MRPS6: variants seen among roughly 807,000 people sequenced by gnomAD.
MRPS6 encodes the protein small ribosomal subunit protein bS6m.
MRPS6 carries 6 observed loss-of-function variants against 13.1 expected under a neutral mutation model. The ratio of observed to expected loss-of-function variants is 0.46; its 90% CI spans 0.25 to 0.91. The LOEUF is 0.91. Ranked by LOEUF, MRPS6 falls within the 40% of genes least tolerant of loss-of-function variation. The pLI is 0.18. For synonymous variants in MRPS6, 61 were observed against 56.5 expected (o/e 1.08, Z -0.36); for missense variants, 164 against 155.6 (o/e 1.05, Z -0.29).
chr21:34,098,408 T>G, intron 1 of MRPS6: 1 of 1,000,280 alleles, frequency 1.0e-6, no homozygotes, highest in Middle Eastern at 5.2e-4. Context: ...GTTGAATTTT[T>G]AGAGGGAAAA....
At chr21:34,137,540 A>G (rs1273043449) in intron 2 of MRPS6, among the ~76,000 whole-genome samples, 1 of 152,246 alleles carries the variant, frequency 6.6e-6, no homozygotes, top group Non-Finnish European at 1.5e-5. Flanking sequence ...GTCATATGCA[A>G]ATAAGACAGT....
chr21:34,125,700 G>A (rs1980280467), intron 2 of MRPS6, among the ~76,000 whole-genome samples: 1 of 152,156 alleles, frequency 6.6e-6, no homozygotes, highest in Non-Finnish European at 1.5e-5. Context: ...CATCCTAGGA[G>A]CAAAGGGCTT....
intron 1 of MRPS6, among the ~76,000 whole-genome samples, chr21:34,120,014 G>A (rs1042928014): frequency 2.0e-5 from 3 of 152,256 alleles, no homozygotes; most frequent in Middle Eastern, 3.4e-3. Flanking sequence ...TGGGCTTTAC[G>A]GGGGACCCTT....
Position 34,115,805 on chromosome 21 carries a change from G to A in MRPS6, c.46-9536G>A, listed in dbSNP as rs534421010. Among the ~76,000 whole-genome samples the A allele has an allele frequency of 2.0e-5, 3 of 151,960 alleles. No homozygotes were observed. The East Asian group carries it at 5.8e-4, about 29-fold the overall frequency. On this transcript the variant is annotated intron_variant, in intron 1 of 2. Coordinates refer to ENST00000399312, the MANE Select transcript of MRPS6 (RefSeq NM_032476.4). ...CTGAAACACGTTTTAATTGCTCATC[G>A]TAAATCAGAGTGTAAAAGAAAAAAA...
chr21:34,084,664 A>G (rs1989531591), intron 1 of MRPS6, among the ~76,000 whole-genome samples: 1 of 152,250 alleles, frequency 6.6e-6, no homozygotes, highest in Non-Finnish European at 1.5e-5. Flanking sequence ...AAATGGAAAA[A>G]CTGAAGAATT....
intron 1 of MRPS6, chr21:34,097,016 G>A (rs1238127259): frequency 6.2e-7 from 1 of 1,614,094 alleles, no homozygotes; most frequent in Non-Finnish European, 8.5e-7. Flanking sequence ...TTAATCTGTT[G>A]GTAACCTGCA....
chr21:34,086,727 G>A (rs909000906), intron 1 of MRPS6, among the ~76,000 whole-genome samples: 3 of 152,166 alleles, frequency 2.0e-5, no homozygotes, highest in Admixed American at 2.0e-4. Flanking sequence ...CAAACATGTA[G>A]TGTAAAAATA....
chr21:34,132,949 A>G (rs1449117137), intron 2 of MRPS6, among the ~76,000 whole-genome samples: 4 of 152,274 alleles, frequency 2.6e-5, no homozygotes, highest in East Asian at 3.9e-4. Context: ...TCTTAACTAC[A>G]TTAAATTGTA....
intron 1 of MRPS6, among the ~76,000 whole-genome samples, chr21:34,085,843 T>C (rs1029499969): frequency 3.9e-5 from 6 of 152,072 alleles, no homozygotes; most frequent in South Asian, 4.1e-4. Flanking sequence ...ACCTCGTGAT[T>C]CACCCGCCTC....
At chr21:34,102,000 T>G (rs924600683) in intron 1 of MRPS6, 1 of 1,000,088 alleles carries the variant, frequency 1.0e-6, no homozygotes, top group African/African-American at 1.7e-5. Flanking sequence ...TTGGAATTAG[T>G]TGGCATATAG....
intron 1 of MRPS6, chr21:34,098,095 A>G: frequency 1.0e-6 from 1 of 999,182 alleles, no homozygotes; most frequent in Non-Finnish European, 1.2e-6. Context: ...TTAAATGATT[A>G]TGGGGGAGAA....
chr21:34,129,392 G>T (rs1980422269), intron 2 of MRPS6, among the ~76,000 whole-genome samples: 1 of 152,124 alleles, frequency 6.6e-6, no homozygotes, highest in South Asian at 2.1e-4. Context: ...TGTTTCTACC[G>T]GGTCTGATTT....
chr21:34,112,882 G>A (rs1979759719), intron 1 of MRPS6, among the ~76,000 whole-genome samples: 1 of 152,016 alleles, frequency 6.6e-6, no homozygotes, highest in South Asian at 2.1e-4. Flanking sequence ...GGTTTTGTGG[G>A]TGCGGTGGCT....
At position 34,073,619 on chromosome 21, in the gene MRPS6, G is replaced by C; in HGVS notation, c.-82G>C. The C allele has an allele frequency of 8.0e-7, 1 of 1,251,252 alleles. No individual in the cohort carries two copies. The highest frequency in any genetic ancestry group is 1.1e-6 in the Non-Finnish European group (1 of 900,984). 77.5% of individuals were successfully genotyped at this position (1,251,252 alleles called of 1,614,324 possible). A position where few individuals can be genotyped will look rare whatever the true frequency, so the allele number is the denominator to read the frequency against. ...AGCCGTCCGGCGCAGCAGTTTCTAG[G>C]TCCCCACTGTCCCCGCCGTCCCGCC... On this transcript the variant is annotated 5_prime_UTR_variant, in exon 1 of 3. Transcript: ENST00000399312.
chr21:34,120,994 A>C (rs1980098439), intron 1 of MRPS6, among the ~76,000 whole-genome samples: 1 of 151,754 alleles, frequency 6.6e-6, no homozygotes, highest in Non-Finnish European at 1.5e-5. Context: ...TAAAGGAGGT[A>C]CAATTAGCAC....
chr21:34,089,462 G>C (rs1216906314), intron 1 of MRPS6, among the ~76,000 whole-genome samples: 1 of 151,808 alleles, frequency 6.6e-6, no homozygotes, highest in Non-Finnish European at 1.5e-5. Context: ...ATATCTACAA[G>C]GTCTTATTTC....
intron 2 of MRPS6, among the ~76,000 whole-genome samples, chr21:34,131,686 A>G (rs1163421367): frequency 1.3e-5 from 2 of 152,184 alleles, no homozygotes; most frequent in Admixed American, 1.3e-4. Context: ...CTTCATGTGT[A>G]AAAATAGAAA....
At position 34,086,116 on chromosome 21, in the gene MRPS6, G is replaced by A. The variant is rs544771417; in HGVS notation, c.45+12371G>A. On this transcript the variant is annotated intron_variant, in intron 1 of 2. Coordinates refer to ENST00000399312, the MANE Select transcript of MRPS6 (RefSeq NM_032476.4). The stretch of plus-strand genomic sequence containing the variant: ...TTCTTACCCCACTCTTTACCTTTCC[G>A]GATTTGGCTGGTCACTTATGCTGTT... Among the ~76,000 whole-genome samples, 21 of 152,080 alleles carry A rather than the reference G, an allele frequency of 1.4e-4. 1 individual carries two copies. Among genetic ancestry groups the A allele is most frequent in the African/African-American group, 4.3e-4 (18 of 41,480 alleles).
chr21:34,081,173 A>G (rs1602905829), intron 1 of MRPS6, among the ~76,000 whole-genome samples: 2 of 152,076 alleles, frequency 1.3e-5, no homozygotes, highest in Non-Finnish European at 2.9e-5. Flanking sequence ...TTTTACAAGG[A>G]TCTTTTAAAC....
Sources: gnomAD v4.1 joint callset for allele counts (sites outside exome capture counted in the v4.1 genomes callset) on GRCh38, gnomAD v4.1.1 for gene constraint, MANE v1.5 for transcripts, NCBI Gene and HGNC (gene_info 2026-07-23, HGNC 2026-07-21) for gene names.